ANKMY1: variants seen among roughly 807,000 people sequenced by gnomAD.
The protein encoded by ANKMY1 is ankyrin repeat and MYND domain-containing protein 1.
In ANKMY1, 98 loss-of-function variants were observed where a neutral mutation model predicts 102.0. The observed-to-expected ratio is 0.96, with a 90% CI of 0.82 to 1.14. The LOEUF (loss-of-function observed/expected upper bound fraction) is 1.14, where lower values mean the gene tolerates loss of function less well. ANKMY1 is among the 50% of genes most tolerant of loss of function. ANKMY1 has a pLI of 0.00. For missense variants in ANKMY1, 1,330 were observed against 1,347.6 expected, an observed-to-expected ratio of 0.99 and a Z score of 0.20; for synonymous variants, 582 against 559.9, an observed-to-expected ratio of 1.04 and a Z score of -0.56.
In ANKMY1 at chr2:240,524,329, G is replaced by C. The variant is rs1559322400; in HGVS notation, c.1388C>G (p.Thr463Arg). The C allele has an allele frequency of 6.2e-7, 1 of 1,612,458 alleles. No individual in the cohort carries two copies. Among genetic ancestry groups the C allele is most frequent in the Non-Finnish European group, 8.5e-7 (1 of 1,179,182 alleles). Residue 463 changes from threonine (T) to arginine (R), a missense_variant, in exon 8 of 18, where the codon ACA becomes AGA. Transcript: ENST00000401804. ...CTCATAGTACAGAGACTCCAGGTTTGTGTCCATAAATGATGATGAAAGGAT... is the reference window on the plus strand; with the variant it reads ...CTCATAGTACAGAGACTCCAGGTTTCTGTCCATAAATGATGATGAAAGGAT... ...VPILSSSFMD[T>R]NLESLYYEVN...
chr2:240,526,608 T>G lies in ANKMY1; in HGVS notation c.954-163A>C. On this transcript the variant is annotated intron_variant, in intron 5 of 17. Coordinates refer to ENST00000401804, the MANE Select transcript of ANKMY1 (RefSeq NM_001282771.3). ...GAGTGCTGGCAGCTGCACCCGCAGC[T>G]GCTCACAATCCACTAGGTTGCACAC... 3 of 1,458,976 alleles carry G rather than the reference T, an allele frequency of 2.1e-6. No homozygotes were observed. The South Asian group carries it at 4.3e-5, about 21-fold the overall frequency. 90.4% of individuals were successfully genotyped at this position (1,458,976 alleles called of 1,614,324 possible).
chr2:240,479,871 A>C (rs1311112294), intron 17 of ANKMY1, among the ~76,000 whole-genome samples: 1 of 152,150 alleles, frequency 6.6e-6, no homozygotes, highest in Non-Finnish European at 1.5e-5. Context: ...CCCATCCTGG[A>C]GTCTACAAGC....
At chr2:240,550,516 T>C (rs2091319735) in intron 4 of ANKMY1, among the ~76,000 whole-genome samples, 2 of 151,874 alleles carry the variant, frequency 1.3e-5, no homozygotes, top group South Asian at 4.2e-4. Context: ...AGTATAATAA[T>C]AATAAATTTA....
In ANKMY1 at chr2:240,524,010, C is replaced by G. The variant is rs760018675; in HGVS notation, c.1707G>C (p.Glu569Asp). 2.5e-6 allele frequency: 4 copies of G among 1,613,850 alleles called. No individual in the cohort carries two copies. In the African/African-American group the frequency reaches 5.3e-5, roughly 22 times the overall value. ...SNVCVCDFSI[E>D]LSQAMLERSA... is the part of the protein sequence containing the mutation. ...TTCTCTCCAGCATGGCCTGCGAGAG[C>G]TCGATGGAGAAGTCGCACACACACA... The change falls in exon 8 of 18, where the codon GAG becomes GAC. Residue 569 changes from glutamate to aspartate, a missense_variant. Coordinates refer to ENST00000401804, the MANE Select transcript of ANKMY1 (RefSeq NM_001282771.3).
At chr2:240,515,767 G>C (rs1223586900) in intron 9 of ANKMY1, among the ~76,000 whole-genome samples, 1 of 152,044 alleles carries the variant, frequency 6.6e-6, no homozygotes, top group East Asian at 1.9e-4. Context: ...GCCCAGGCTG[G>C]AGTGCAGTGG....
chr2:240,529,179 T>G lies in ANKMY1; in HGVS notation c.811A>C (p.Met271Leu). The change falls in exon 5 of 18, where the codon ATG (methionine) becomes CTG (leucine). Residue 271 changes from methionine to leucine, a missense_variant. By Grantham distance (15) the Met-to-Leu change is conservative (BLOSUM62 2). Transcript: ENST00000401804. The surrounding 1 kb of genome is among the most constrained non-coding windows in gnomAD (Gnocchi z 4.2). ...VYSTNSDHLPMTSSFRKELDA... is the reference protein window; with the variant it reads ...VYSTNSDHLPLTSSFRKELDA... The stretch of plus-strand genomic sequence containing the variant: ...AGCTCTTTGCGGAAAGAGCTTGTCA[T>G]GGGCAGGTGGTCACTGTTGGTCGAG... The G allele has an allele frequency of 1.9e-6, 3 of 1,614,196 alleles. No individual in the cohort carries two copies. Among genetic ancestry groups the G allele is most frequent in the Non-Finnish European group, 2.5e-6 (3 of 1,180,028 alleles).
chr2:240,513,470 G>A (rs953091533), intron 9 of ANKMY1, among the ~76,000 whole-genome samples: 35 of 152,250 alleles, frequency 2.3e-4, no homozygotes, highest in African/African-American at 7.7e-4. Flanking sequence ...GGGAGAGCCC[G>A]GCTGAGAATG....
At chr2:240,551,916 C>G (rs1418591170) in intron 4 of ANKMY1, among the ~76,000 whole-genome samples, 1 of 152,158 alleles carries the variant, frequency 6.6e-6, no homozygotes, top group Non-Finnish European at 1.5e-5. Context: ...CAGGAAAGAC[C>G]TTCAGGCCTC....
intron 12 of ANKMY1, 23 bp downstream of exon 12, chr2:240,509,325 C>A (rs758492419): frequency 6.3e-7 from 1 of 1,590,254 alleles, no homozygotes; most frequent in Non-Finnish European, 8.6e-7. Context: ...GTGCACAGGT[C>A]TGTGGGTACA....
chr2:240,514,437 C>A (rs747844910), intron 9 of ANKMY1, among the ~76,000 whole-genome samples: 5 of 152,114 alleles, frequency 3.3e-5, no homozygotes, highest in Admixed American at 6.5e-5. Context: ...GGCAGGGGGG[C>A]ATCACACTTC....
intron 4 of ANKMY1, among the ~76,000 whole-genome samples, chr2:240,539,508 C>T (rs898782755): frequency 4.6e-5 from 7 of 152,190 alleles, no homozygotes; most frequent in Non-Finnish European, 7.3e-5. Flanking sequence ...ACACTCACCA[C>T]GAGGAGTCCG....
intron 13 of ANKMY1, among the ~76,000 whole-genome samples, chr2:240,505,092 C>A (rs573608465): frequency 6.6e-6 from 1 of 152,138 alleles, no homozygotes; most frequent in African/African-American, 2.4e-5. Flanking sequence ...TCTGGAGTGA[C>A]TGGAACTCTG....
intron 15 of ANKMY1, among the ~76,000 whole-genome samples, chr2:240,495,693 T>A (rs900093896): frequency 6.6e-6 from 1 of 152,118 alleles, no homozygotes; most frequent in Non-Finnish European, 1.5e-5. Context: ...GGTCTCTACG[T>A]CTTGGTGGTA....
Position 240,479,746 on chromosome 2 carries a change from C to T in ANKMY1, c.3047-91G>A, listed in dbSNP as rs1262372795. 1.4e-5 allele frequency: 16 copies of T among 1,136,768 alleles called. No homozygotes were observed. The East Asian group carries it at 3.0e-4, about 22-fold the overall frequency. 70.4% of individuals were successfully genotyped at this position (1,136,768 alleles called of 1,614,324 possible). ...GCTCCAGAACTCGGGCTGTGTGGGG[C>T]GGCTGAGGACTGTGCTCTGTCTAGA... On this transcript the variant is annotated intron_variant, in intron 17 of 17. Transcript: ENST00000401804.
At chr2:240,469,481 C>A in the ANKMY1 span, among the ~76,000 whole-genome samples, 4 of 152,316 alleles carry the variant, frequency 2.6e-5, no homozygotes, top group African/African-American at 9.6e-5. Flanking sequence ...CAAACTGACC[C>A]ACCCACACTG....
chr2:240,545,361 C>G (rs1345006946), intron 4 of ANKMY1, among the ~76,000 whole-genome samples: 1 of 152,220 alleles, frequency 6.6e-6, no homozygotes, highest in Non-Finnish European at 1.5e-5. Context: ...CCCATCTGTA[C>G]ATCACCATCA....
chr2:240,546,937 C>T (rs2090508757), intron 4 of ANKMY1, among the ~76,000 whole-genome samples: 1 of 152,178 alleles, frequency 6.6e-6, no homozygotes, highest in Non-Finnish European at 1.5e-5. Context: ...CCATTGTCAA[C>T]ATTAGACAGA....
At chr2:240,543,919 T>C (rs1209596915) in intron 4 of ANKMY1, among the ~76,000 whole-genome samples, 1 of 152,200 alleles carries the variant, frequency 6.6e-6, no homozygotes, top group Non-Finnish European at 1.5e-5. Flanking sequence ...AGTTTGGGAT[T>C]TCTTGCTTCC....
intron 4 of ANKMY1, among the ~76,000 whole-genome samples, chr2:240,541,997 G>T (rs1411543262): frequency 1.3e-5 from 2 of 151,528 alleles, no homozygotes; most frequent in South Asian, 4.2e-4. Context: ...ATCACCTGAG[G>T]TCAGGAGTTT....
Sources: gnomAD v4.1 joint callset for allele counts (sites outside exome capture counted in the v4.1 genomes callset) on GRCh38, gnomAD v4.1.1 for gene constraint, Gnocchi (gnomAD v3.1) non-coding constraint, MANE v1.5 for transcripts, NCBI Gene and HGNC (gene_info 2026-07-23, HGNC 2026-07-21) for gene names.